DDX43: variants seen among roughly 807,000 people sequenced by gnomAD.
The protein encoded by DDX43 is probable ATP-dependent RNA helicase DDX43.
Under a neutral mutation model 84.9 loss-of-function variants are expected in DDX43, and 50 were observed. The observed-to-expected ratio is 0.59, with a 90% CI of 0.47 to 0.75. The LOEUF (loss-of-function observed/expected upper bound fraction) is 0.75. Ranked by LOEUF, DDX43 falls within the 30% of genes least tolerant of loss-of-function variation. The pLI is 0.00. For missense variants in DDX43, 689 were observed against 798.6 expected, an observed-to-expected ratio of 0.86 and a Z score of 1.65; for synonymous variants, 291 against 266.3, an observed-to-expected ratio of 1.09 and a Z score of -0.90.
chr6:73,403,477 A>G (rs543296578), intron 4 of DDX43, among the ~76,000 whole-genome samples: 49 of 142,944 alleles, frequency 3.4e-4, no homozygotes, highest in Middle Eastern at 3.6e-3. Context: ...CTCAAAAAGA[A>G]AAAAGAAAAG....
At chr6:73,412,667 G>A (rs1769815941) in intron 11 of DDX43, among the ~76,000 whole-genome samples, 1 of 82,600 alleles carries the variant, frequency 1.2e-5, no homozygotes. Flanking sequence ...GTGTGTGTGT[G>A]TGCGCGCGCG....
chr6:73,395,497 C>A (rs1423966938), intron 1 of DDX43, among the ~76,000 whole-genome samples: 1 of 151,750 alleles, frequency 6.6e-6, no homozygotes, highest in Non-Finnish European at 1.5e-5. Flanking sequence ...GCCTGTAATC[C>A]CAGATACTCC....
chr6:73,398,405 C>G (rs1409396824), intron 2 of DDX43, among the ~76,000 whole-genome samples: 1 of 151,984 alleles, frequency 6.6e-6, no homozygotes, highest in Non-Finnish European at 1.5e-5. Flanking sequence ...GCCCCCGCCA[C>G]CATATCTGGC....
intron 11 of DDX43, among the ~76,000 whole-genome samples, chr6:73,412,859 T>C (rs951237655): frequency 4.6e-5 from 7 of 152,002 alleles, no homozygotes; most frequent in Admixed American, 2.0e-4. Flanking sequence ...GCCTCCTGAG[T>C]AGCTGGGGTT....
Position 73,403,477 on chromosome 6 carries a change from AAAAAG to A in DDX43, c.569-1194_569-1190del, listed in dbSNP as rs544132353. Among the ~76,000 whole-genome samples the A allele has an allele frequency of 9.1e-3, 1,307 of 142,940 alleles. 13 individuals are homozygous for A. The highest frequency in any genetic ancestry group is 0.03 in the African/African-American group (1,233 of 40,810). 93.8% of individuals were successfully genotyped at this position (142,940 alleles called of 152,430 possible). On this transcript the variant is annotated intron_variant, in intron 4 of 16. Transcript: ENST00000370336. ...AGAGTAAGACTCCATCTCAAAAAGA[AAAAAG>A]AAAAGAAAAGAAAAGAAATGTAACT...
chr6:73,412,668 T>TGTGTGTGTGTGTGTGTGTGTGTGTGC (rs538597626), intron 11 of DDX43, among the ~76,000 whole-genome samples: 9 of 108,466 alleles, frequency 8.3e-5, no homozygotes, highest in East Asian at 2.9e-4. Flanking sequence ...TGTGTGTGTG[T>TGTGTGTGTGTGTGTGTGTGTGTGTGC]GCGCGCGCGC....
chr6:73,412,396 T>A, intron 11 of DDX43, 104 bp downstream of exon 11: 1 of 794,376 alleles, frequency 1.3e-6, no homozygotes, highest in African/African-American at 1.7e-5. Context: ...TTAGGGCAAA[T>A]CACACTTGCA....
intron 10 of DDX43, 29 bp downstream of exon 10, chr6:73,409,377 G>A (rs2150797629): frequency 2.0e-6 from 3 of 1,502,338 alleles, no homozygotes; most frequent in Non-Finnish European, 2.8e-6. Context: ...ACTGTGTGCA[G>A]AATAGAAATC....
chr6:73,401,599 G>A (rs1000577880), intron 3 of DDX43, among the ~76,000 whole-genome samples: 5 of 151,996 alleles, frequency 3.3e-5, no homozygotes, highest in African/African-American at 7.2e-5. Context: ...TCAGGAGATC[G>A]AGACCATCCT....
chr6:73,398,966 G>T (rs1026478881), intron 2 of DDX43, among the ~76,000 whole-genome samples: 32 of 151,982 alleles, frequency 2.1e-4, no homozygotes, highest in African/African-American at 7.0e-4. Context: ...ATTTTTTTGA[G>T]ACGGAGTCTT....
intron 11 of DDX43, 77 bp downstream of exon 11, chr6:73,412,369 C>A: frequency 8.8e-7 from 1 of 1,138,556 alleles, no homozygotes; most frequent in South Asian, 1.4e-5. Context: ...TGTGCCTAGT[C>A]TGCCCACTCC....
chr6:73,416,095 C>T lies in DDX43; in HGVS notation c.1834-18C>T, dbSNP rs747270703. On this transcript the variant is annotated intron_variant, in intron 15 of 16. Transcript: ENST00000370336. ...AAAGAACTCAGAATCCTAATAACAACACGTTGAATAATTTCAGAGTATTCC... is the reference window on the plus strand; with the variant it reads ...AAAGAACTCAGAATCCTAATAACAATACGTTGAATAATTTCAGAGTATTCC... The T allele has an allele frequency of 3.2e-6, 4 of 1,267,264 alleles. No homozygotes were observed. Among genetic ancestry groups the T allele is most frequent in the Non-Finnish European group, 4.6e-6 (4 of 866,162 alleles). 78.5% of individuals were successfully genotyped at this position (1,267,264 alleles called of 1,614,324 possible). A position where few individuals can be genotyped will look rare whatever the true frequency, so the allele number is the denominator to read the frequency against.
At chr6:73,395,704 G>A (rs1256589561) in intron 1 of DDX43, among the ~76,000 whole-genome samples, 1 of 151,622 alleles carries the variant, frequency 6.6e-6, no homozygotes, top group Non-Finnish European at 1.5e-5. Flanking sequence ...GAAGACTTAT[G>A]AAATCTTAGG....
At chr6:73,408,187 C>T in intron 9 of DDX43, 86 bp downstream of exon 9, 1 of 1,428,594 alleles carries the variant, frequency 7.0e-7, no homozygotes, top group Non-Finnish European at 9.6e-7. Context: ...GTAATCCGAG[C>T]ACTTTGGGAG....
rs116260191 is a variant in DDX43 at position 73,411,728 on chromosome 6, G to A, written c.1281-477G>A. Among the ~76,000 whole-genome samples the A allele has an allele frequency of 6.8e-3, 1,033 of 152,130 alleles. 16 individuals are homozygous for A. Among genetic ancestry groups the A allele is most frequent in the African/African-American group, 0.023 (962 of 41,510 alleles). ...TTACTTATTTATGAGACGGAGTTTC[G>A]CTTTTGTTGCGGTGGCTGGAGTATA... On this transcript the variant is annotated intron_variant, in intron 10 of 16. Coordinates refer to ENST00000370336, the MANE Select transcript of DDX43 (RefSeq NM_018665.3).
rs542068003 is a variant in DDX43, at chr6:73,412,693, G to A, written c.1368+401G>A. Among the ~76,000 whole-genome samples, 131 of 140,654 alleles carry A rather than the reference G, an allele frequency of 9.3e-4. 2 individuals are homozygous for A. Among genetic ancestry groups the A allele is most frequent in the Middle Eastern group, 3.5e-3 (1 of 284 alleles). The allele number at this position is 140,654 out of a possible 152,430, so 92.3% of individuals were successfully genotyped here. ...TGCGCGCGCGCGTGTGTGTGTGTGC[G>A]CGTGCGTGCGCACGCATGTGCAAGT... On this transcript the variant is annotated intron_variant, in intron 11 of 16. Transcript: ENST00000370336.
chr6:73,405,850 A>T lies in DDX43; in HGVS notation c.807+15A>T. ...CACCTATTCAGGTATGCTTTCATTA[A>T]TTACAATATTTCACTCAATGTTTTT... is the stretch of plus-strand genomic sequence containing the variant. On this transcript the variant is annotated intron_variant, in intron 6 of 16. Transcript: ENST00000370336. 6.2e-7 allele frequency: 1 copy of T among 1,609,774 alleles called. No individual in the cohort carries two copies. The highest frequency in any genetic ancestry group is 2.2e-5 in the East Asian group (1 of 44,854).
chr6:73,410,982 C>G (rs1033364713), intron 10 of DDX43, among the ~76,000 whole-genome samples: 1 of 151,790 alleles, frequency 6.6e-6, no homozygotes, highest in African/African-American at 2.4e-5. Flanking sequence ...GTCAGGAGAT[C>G]GAGACCATCC....
At chr6:73,413,903 T>C in intron 12 of DDX43, 67 bp from the exon 13 acceptor site, 1 of 1,520,258 alleles carries the variant, frequency 6.6e-7, no homozygotes, top group East Asian at 2.3e-5. Context: ...AGATTTTTGC[T>C]AACAGAAGTA....
Sources: allele counts gnomAD v4.1 joint callset (sites outside exome capture counted in the v4.1 genomes callset), GRCh38; gene constraint gnomAD v4.1.1; transcripts MANE v1.5; gene names NCBI Gene and HGNC (gene_info 2026-07-23, HGNC 2026-07-21).